Variants in VPS13D observed in about 807,000 individuals in gnomAD.
VPS13D encodes vacuolar protein sorting 13 homolog D.
A neutral mutation model predicts 461.9 loss-of-function variants in VPS13D; 187 were observed. The ratio of observed to expected loss-of-function variants is 0.40; its 90% CI spans 0.36 to 0.46. The LOEUF is 0.46. VPS13D is among the 20% of genes least tolerant of loss of function. The pLI is 0.60. For missense variants in VPS13D, 4,711 were observed against 5,364.9 expected (o/e 0.88, Z 3.81); for synonymous variants, 1,951 against 1,986.3 (o/e 0.98, Z 0.47).
intron 2 of VPS13D, among the ~76,000 whole-genome samples, chr1:12,242,240 C>G (rs939052332): frequency 6.6e-6 from 1 of 152,170 alleles, no homozygotes; most frequent in African/African-American, 2.4e-5. Flanking sequence ...TTAGATGAAG[C>G]GTATGGGCTG....
chr1:12,340,596 A>G (rs1357332105), intron 40 of VPS13D, among the ~76,000 whole-genome samples: 1 of 152,182 alleles, frequency 6.6e-6, no homozygotes, highest in African/African-American at 2.4e-5. Context: ...GATTTTGTTG[A>G]CAGAAGATGT....
intron 66 of VPS13D, among the ~76,000 whole-genome samples, chr1:12,456,628 C>G (rs1439198847): frequency 1.1e-5 from 1 of 94,158 alleles, no homozygotes; most frequent in African/African-American, 4.5e-5. Flanking sequence ...CAGAGCAAGA[C>G]TCCAATTCAA....
At chr1:12,359,287 A>G (rs1045245591) in intron 50 of VPS13D, among the ~76,000 whole-genome samples, 42 of 152,328 alleles carry the variant, frequency 2.8e-4, no homozygotes, top group African/African-American at 1.0e-3. Context: ...GCATCCTTTC[A>G]GTATATAATT....
In VPS13D at chr1:12,449,620, G is replaced by A. The variant is rs554953936; in HGVS notation, c.12334-6378G>A. On this transcript the variant is annotated intron_variant, in intron 65 of 69. Coordinates refer to ENST00000620676, the MANE Select transcript of VPS13D (RefSeq NM_015378.4). ...CTTTTTAACTGTGGATATTTTGACAGTATGAAACGGAAGTCAGTGGTGAAG... is the reference window on the plus strand; with the variant it reads ...CTTTTTAACTGTGGATATTTTGACAATATGAAACGGAAGTCAGTGGTGAAG... Among the ~76,000 whole-genome samples, 15 of 152,306 alleles carry A rather than the reference G, an allele frequency of 9.8e-5. No individual in the cohort carries two copies. The South Asian group carries it at 2.9e-3, about 29-fold the overall frequency.
intron 67 of VPS13D, among the ~76,000 whole-genome samples, chr1:12,474,397 G>C (rs1645602828): frequency 6.6e-6 from 1 of 152,010 alleles, no homozygotes; most frequent in Admixed American, 6.6e-5. Context: ...TTTTCAGTGG[G>C]GCTCTTGGAA....
Position 12,504,318 on chromosome 1 carries a change from TCTC to T in VPS13D, c.12795-2532_12795-2530del, listed in dbSNP as rs528693630. ...CCAGCTGTGGCCTCACTCTCTCCCTTCTCCTTCTTCAGCCAGACCCTTGGCTCT... is the reference window on the plus strand; with the variant it reads ...CCAGCTGTGGCCTCACTCTCTCCCTTCTTCTTCAGCCAGACCCTTGGCTCT... On this transcript the variant is annotated intron_variant, in intron 68 of 69. Transcript: ENST00000620676. 2.0e-3 allele frequency among the ~76,000 whole-genome samples: 309 copies of T among 152,232 alleles called. 1 individual carries two copies. The highest frequency in any genetic ancestry group is 6.9e-3 in the African/African-American group (288 of 41,540).
chr1:12,247,047 A>G (rs188640575), intron 5 of VPS13D, among the ~76,000 whole-genome samples: 31 of 152,306 alleles, frequency 2.0e-4, no homozygotes, highest in African/African-American at 7.2e-4. Flanking sequence ...TTGAGGAACT[A>G]CCAAACTGTT....
At chr1:12,458,894 T>C (rs1645366395) in intron 66 of VPS13D, among the ~76,000 whole-genome samples, 1 of 152,236 alleles carries the variant, frequency 6.6e-6, no homozygotes, top group Non-Finnish European at 1.5e-5. Flanking sequence ...TTGCAAAATG[T>C]TTGGAATGCC....
chr1:12,427,237 A>ATT (rs1430732640), intron 65 of VPS13D, among the ~76,000 whole-genome samples: 4 of 133,182 alleles, frequency 3.0e-5, no homozygotes, highest in Non-Finnish European at 6.2e-5. Context: ...TATTATTGTC[A>ATT]TTATTTTATT....
intron 29 of VPS13D, 115 bp downstream of exon 29, chr1:12,312,040 C>A: frequency 5.6e-5 from 40 of 717,094 alleles, no homozygotes; most frequent in Middle Eastern, 4.1e-4. Flanking sequence ...GGAATGTTGT[C>A]TGCAGAGTGT....
At chr1:12,322,783 A>T in intron 34 of VPS13D, 37 bp downstream of exon 34, 2 of 1,584,880 alleles carry the variant, frequency 1.3e-6, no homozygotes, top group Non-Finnish European at 1.7e-6. Flanking sequence ...CAGTCTTGCT[A>T]ATAACGCTTC....
intron 65 of VPS13D, among the ~76,000 whole-genome samples, chr1:12,420,898 A>G (rs1644854280): frequency 6.6e-6 from 1 of 152,212 alleles, no homozygotes; most frequent in African/African-American, 2.4e-5. Flanking sequence ...TAAGAAGATA[A>G]TAGACCTGTA....
intron 14 of VPS13D, 112 bp downstream of exon 14, chr1:12,267,123 G>T: frequency 8.3e-7 from 1 of 1,211,226 alleles, no homozygotes. Context: ...GAGACTGATG[G>T]GCTGGGATTA....
At chr1:12,383,300 C>A in intron 58 of VPS13D, 145 bp downstream of exon 58, 1 of 852,080 alleles carries the variant, frequency 1.2e-6, no homozygotes, top group Non-Finnish European at 1.7e-6. Flanking sequence ...ATAGGATCTA[C>A]CTCACAAAGT....
rs747179081 is a variant in VPS13D, at chr1:12,242,528, A to G, written c.113A>G (p.Glu38Gly). Residue 38 changes from glutamate (E) to glycine (G), a missense_variant, in exon 3 of 70, where the codon GAA becomes GGA. Physicochemically the swap from Glu to Gly is moderately conservative, Grantham distance 98. Transcript: ENST00000620676. ...TTATTTTTAGGTGCTGTTGAATTAG[A>G]AAACTTGCCATTAAAGAAAGATGCC... ...VALLKGAVEL[E>G]NLPLKKDALK... The G allele has an allele frequency of 1.4e-5, 22 of 1,614,040 alleles. No homozygotes were observed. In the South Asian group the frequency reaches 2.1e-4, roughly 15 times the overall value.
intron 44 of VPS13D, among the ~76,000 whole-genome samples, chr1:12,346,875 A>G (rs2101585715): frequency 6.6e-6 from 1 of 152,350 alleles, no homozygotes; most frequent in South Asian, 2.1e-4. Flanking sequence ...ACAGGGAAGG[A>G]GAAGGAAAAG....
intron 65 of VPS13D, among the ~76,000 whole-genome samples, chr1:12,451,104 C>G (rs1009894126): frequency 3.9e-5 from 6 of 152,198 alleles, no homozygotes; most frequent in Non-Finnish European, 8.8e-5. Flanking sequence ...GTAAACTGAT[C>G]AGACAGAACA....
In VPS13D at chr1:12,395,996, GATATATATATAT is replaced by G. The variant is rs58476786; in HGVS notation, c.11635-4163_11635-4152del. 8.0e-3 allele frequency among the ~76,000 whole-genome samples: 593 copies of G among 73,776 alleles called. 39 individuals carry two copies. Among genetic ancestry groups the G allele is most frequent in the African/African-American group, 0.036 (527 of 14,552 alleles). The allele number at this position is 73,776 out of a possible 152,430, so 48.4% of individuals were successfully genotyped here. On this transcript the variant is annotated intron_variant, in intron 60 of 69. Transcript: ENST00000620676. ...TCTTAGAGGGATAGAACTAATAGGA[GATATATATATAT>G]ATATATATATATATATATATAGTTC...
At chr1:12,481,450 G>T (rs1359715867) in intron 67 of VPS13D, among the ~76,000 whole-genome samples, 1 of 152,158 alleles carries the variant, frequency 6.6e-6, no homozygotes, top group Non-Finnish European at 1.5e-5. Flanking sequence ...GTAGAGGCAA[G>T]ACCTACAGTC....
Sources: gnomAD v4.1 joint callset for allele counts (sites outside exome capture counted in the v4.1 genomes callset) on GRCh38, gnomAD v4.1.1 for gene constraint, MANE v1.5 for transcripts, NCBI Gene and HGNC (gene_info 2026-07-23, HGNC 2026-07-21) for gene names.